WWOX: variants seen among roughly 807,000 people sequenced by gnomAD.
The protein encoded by WWOX is WW domain-containing oxidoreductase.
WWOX carries 69 observed loss-of-function variants against 46.2 expected under a neutral mutation model. The observed-to-expected ratio is 1.49, with a 90% CI of 1.23 to 1.82. The LOEUF (loss-of-function observed/expected upper bound fraction) is 1.82. Ranked by LOEUF, WWOX falls within the 40% of genes most tolerant of loss-of-function variation. WWOX has a pLI of 0.00. For synonymous variants in WWOX, 359 were observed against 202.6 expected (o/e 1.77, Z -6.56); for missense variants, 919 against 542.6 (o/e 1.69, Z -6.89).
intron 7 of WWOX, among the ~76,000 whole-genome samples, chr16:78,425,404 T>C (rs191174144): frequency 2.2e-4 from 33 of 152,340 alleles, no homozygotes; most frequent in Admixed American, 1.6e-3. Context: ...TGTGCAGTTA[T>C]TCTAGCAGGA....
chr16:78,977,807 G>T (rs1173561084), intron 8 of WWOX, among the ~76,000 whole-genome samples: 1 of 152,076 alleles, frequency 6.6e-6, no homozygotes, highest in African/African-American at 2.4e-5. Flanking sequence ...CTCACACCAA[G>T]CTCCCATCTG....
intron 5 of WWOX, among the ~76,000 whole-genome samples, chr16:78,353,259 A>G (rs1274729568): frequency 1.3e-5 from 2 of 152,290 alleles, no homozygotes; most frequent in East Asian, 1.9e-4. Context: ...ATACCTCAAG[A>G]GAAAAAGACA....
In WWOX at chr16:78,440,937, TTTTTCTTTTC is replaced by T. The variant is rs201632110; in HGVS notation, c.1056+8195_1056+8204del. Among the ~76,000 whole-genome samples the T allele has an allele frequency of 4.6e-4, 70 of 151,920 alleles. 1 individual carries two copies. The highest frequency in any genetic ancestry group is 1.9e-4 in the East Asian group (1 of 5,170). On this transcript the variant is annotated intron_variant, in intron 8 of 8. Coordinates refer to ENST00000566780, the MANE Select transcript of WWOX (RefSeq NM_016373.4). ...TGCCTGGCCTGTAGTTTCTTTTTCTTTTTTCTTTTCTTTTCTTTTTTTTGAGATGAAGTCT... is the reference window on the plus strand; with the variant it reads ...TGCCTGGCCTGTAGTTTCTTTTTCTTTTTTCTTTTTTTTGAGATGAAGTCT...
chr16:78,795,723 T>G (rs1241713342), intron 8 of WWOX, among the ~76,000 whole-genome samples: 1 of 152,154 alleles, frequency 6.6e-6, no homozygotes, highest in Non-Finnish European at 1.5e-5. Context: ...TGGGCAAGTC[T>G]CATATTTCTC....
intron 8 of WWOX, among the ~76,000 whole-genome samples, chr16:78,972,872 C>A (rs575394022): frequency 6.6e-6 from 1 of 152,306 alleles, no homozygotes; most frequent in African/African-American, 2.4e-5. Context: ...AACACGTCTC[C>A]CCGCCTTGTA....
intron 8 of WWOX, among the ~76,000 whole-genome samples, chr16:78,456,451 G>C (rs1478606061): frequency 6.6e-6 from 1 of 152,168 alleles, no homozygotes; most frequent in Non-Finnish European, 1.5e-5. Context: ...TGATATTTAA[G>C]ATTGAGCACT....
chr16:78,237,323 TTTTGAAAGAGAC>T (rs1207258656), intron 5 of WWOX: 1 of 152,224 alleles, frequency 6.6e-6, no homozygotes, highest in Non-Finnish European at 1.5e-5. Context: ...ATCTATTGTT[TTTTGAAAGAGAC>T]TGTTTAAAAC....
At chr16:78,396,535 G>A (rs1230254656) in intron 6 of WWOX, among the ~76,000 whole-genome samples, 1 of 152,132 alleles carries the variant, frequency 6.6e-6, no homozygotes, top group Non-Finnish European at 1.5e-5. Flanking sequence ...GCTTTGGAGG[G>A]TAGATACAAT....
At chr16:78,149,120 G>C (rs765566210) in intron 4 of WWOX, among the ~76,000 whole-genome samples, 2 of 151,990 alleles carry the variant, frequency 1.3e-5, no homozygotes, top group East Asian at 3.9e-4. Context: ...GCCTCCTAAA[G>C]TGCTGGGATT....
At chr16:79,053,732 C>G (rs1352859765) in intron 8 of WWOX, among the ~76,000 whole-genome samples, 1 of 152,112 alleles carries the variant, frequency 6.6e-6, no homozygotes, top group Non-Finnish European at 1.5e-5. Context: ...TTAGAGGATG[C>G]AGGCTTGGGA....
At chr16:78,632,267 G>A (rs1012014140) in intron 8 of WWOX, among the ~76,000 whole-genome samples, 1 of 152,140 alleles carries the variant, frequency 6.6e-6, no homozygotes, top group Admixed American at 6.5e-5. Context: ...TCCAGGGATT[G>A]TTTTGGAGGG....
At chr16:79,100,191 C>G (rs992207758) in intron 8 of WWOX, among the ~76,000 whole-genome samples, 3 of 151,968 alleles carry the variant, frequency 2.0e-5, no homozygotes, top group Admixed American at 2.0e-4. Flanking sequence ...TATAGCCTAG[C>G]CAGGGTGGCA....
At chr16:78,277,156 A>C (rs1366867355) in intron 5 of WWOX, among the ~76,000 whole-genome samples, 5 of 152,180 alleles carry the variant, frequency 3.3e-5, no homozygotes, top group African/African-American at 4.8e-5. Flanking sequence ...AACAAGTTTA[A>C]ATCTTATTTA....
rs2044250419 is a variant in WWOX, at chr16:78,877,176, A to T, written c.1057-334432A>T. On this transcript the variant is annotated intron_variant, in intron 8 of 8. Coordinates refer to ENST00000566780, the MANE Select transcript of WWOX (RefSeq NM_016373.4). ...GACGAGGAAGGAAACGAGAAAAGTTATTCCTATTTCATCCATCTAAGACTT... is the reference window on the plus strand; with the variant it reads ...GACGAGGAAGGAAACGAGAAAAGTTTTTCCTATTTCATCCATCTAAGACTT... 2.0e-5 allele frequency among the ~76,000 whole-genome samples: 3 copies of T among 152,154 alleles called. No individual in the cohort carries two copies. The South Asian group carries it at 6.2e-4, about 31-fold the overall frequency.
At chr16:79,084,284 A>C (rs28492383) in intron 8 of WWOX, among the ~76,000 whole-genome samples, 143 of 152,354 alleles carry the variant, frequency 9.4e-4, no homozygotes, top group African/African-American at 3.0e-3. Context: ...TACAAAGAGA[A>C]GTAGAACTCT....
At chr16:78,566,841 G>C (rs189727317) in intron 8 of WWOX, among the ~76,000 whole-genome samples, 40 of 152,252 alleles carry the variant, frequency 2.6e-4, no homozygotes, top group Non-Finnish European at 5.1e-4. Context: ...AATCAGAGTG[G>C]GGCATGGCTG....
At chr16:78,734,694 C>T (rs1020325306) in intron 8 of WWOX, among the ~76,000 whole-genome samples, 14 of 151,978 alleles carry the variant, frequency 9.2e-5, no homozygotes, top group African/African-American at 3.1e-4. Flanking sequence ...GTGAGGTGAA[C>T]ATTTAAATCA....
chr16:78,781,581 A>G (rs546881952), intron 8 of WWOX, among the ~76,000 whole-genome samples: 12 of 152,146 alleles, frequency 7.9e-5, no homozygotes, highest in Non-Finnish European at 8.8e-5. Context: ...ATGTTTATCT[A>G]TCCCCCACCC....
chr16:79,171,701 A>G (rs543205320), intron 8 of WWOX, among the ~76,000 whole-genome samples: 10 of 152,242 alleles, frequency 6.6e-5, no homozygotes, highest in Non-Finnish European at 1.2e-4. Flanking sequence ...TTATCATCCA[A>G]TCAGCAGATG....
Sources: allele counts gnomAD v4.1 joint callset (sites outside exome capture counted in the v4.1 genomes callset), GRCh38; gene constraint gnomAD v4.1.1; transcripts MANE v1.5; gene names NCBI Gene and HGNC (gene_info 2026-07-23, HGNC 2026-07-21).